The following CSMD1 variants were observed in gnomAD, a reference collection of about 807,000 sequenced individuals.
The protein encoded by CSMD1 is CUB and sushi domain-containing protein 1.
CSMD1 carries 213 observed loss-of-function variants against 417.5 expected under a neutral mutation model. That is an observed-to-expected ratio of 0.51 (90% CI 0.46 to 0.57). The LOEUF (loss-of-function observed/expected upper bound fraction) is 0.57. CSMD1 is among the 20% of genes least tolerant of loss of function. The pLI is 0.00. For missense variants in CSMD1, 6,923 were observed against 4,529.7 expected, an observed-to-expected ratio of 1.53 and a Z score of -15.17; for synonymous variants, 2,862 against 1,736.8, an observed-to-expected ratio of 1.65 and a Z score of -16.11.
chr8:3,713,854 A>G (rs1801667535), intron 6 of CSMD1, among the ~76,000 whole-genome samples: 1 of 152,190 alleles, frequency 6.6e-6, no homozygotes, highest in South Asian at 2.1e-4. Flanking sequence ...GAAAAATATA[A>G]ATCTTGTGTC....
chr8:4,126,458 T>G (rs2130960977), intron 3 of CSMD1, among the ~76,000 whole-genome samples: 1 of 152,208 alleles, frequency 6.6e-6, no homozygotes, highest in Non-Finnish European at 1.5e-5. Flanking sequence ...TAACATAGAT[T>G]TCACTTGCTT....
intron 7 of CSMD1, among the ~76,000 whole-genome samples, chr8:3,652,945 C>A (rs778401650): frequency 6.6e-6 from 1 of 152,008 alleles, no homozygotes; most frequent in Non-Finnish European, 1.5e-5. Context: ...GACTGAAAGC[C>A]CCTTATTTTC....
At chr8:3,330,383 G>C (rs1338090314) in intron 23 of CSMD1, among the ~76,000 whole-genome samples, 1 of 152,074 alleles carries the variant, frequency 6.6e-6, no homozygotes, top group Non-Finnish European at 1.5e-5. Flanking sequence ...AAGAAAGTAT[G>C]GTACATATAC....
At chr8:4,654,082 T>C (rs13265173) in intron 1 of CSMD1, among the ~76,000 whole-genome samples, 44,208 of 152,064 alleles carry the variant, frequency 0.29, 6,818 homozygotes, top group Middle Eastern at 0.44. Context: ...CCTCAGCAAC[T>C]TTTTTCTTTC....
intron 54 of CSMD1, among the ~76,000 whole-genome samples, chr8:2,982,063 T>C (rs1243210511): frequency 6.6e-6 from 1 of 152,086 alleles, no homozygotes; most frequent in Non-Finnish European, 1.5e-5. Flanking sequence ...GACATACGAA[T>C]ATGGGTAACA....
At chr8:4,023,413 T>A (rs1030843776) in intron 4 of CSMD1, among the ~76,000 whole-genome samples, 2 of 152,108 alleles carry the variant, frequency 1.3e-5, no homozygotes, top group African/African-American at 4.8e-5. Context: ...CCAATTTCAT[T>A]ATGAATAATT....
intron 38 of CSMD1, among the ~76,000 whole-genome samples, chr8:3,160,349 C>T (rs1819805129): frequency 6.6e-6 from 1 of 152,126 alleles, no homozygotes; most frequent in Non-Finnish European, 1.5e-5. Flanking sequence ...TCTCAAACTC[C>T]TCGATTCAAG....
At chr8:3,930,106 G>A (rs1563222480) in intron 5 of CSMD1, among the ~76,000 whole-genome samples, 1 of 150,098 alleles carries the variant, frequency 6.7e-6, no homozygotes. Context: ...TCTTTATTTG[G>A]TACTGGGAAA....
intron 28 of CSMD1, among the ~76,000 whole-genome samples, chr8:3,220,724 G>A (rs1470327392): frequency 4.6e-5 from 7 of 152,064 alleles, no homozygotes; most frequent in Admixed American, 3.9e-4. Context: ...CCAGCTGCTC[G>A]GGAGGCTGAG....
chr8:4,150,873 T>A (rs1318879857), intron 3 of CSMD1, among the ~76,000 whole-genome samples: 2 of 85,806 alleles, frequency 2.3e-5, no homozygotes, highest in Admixed American at 1.4e-4. Flanking sequence ...TAAAAAAATG[T>A]CCTGCTGAGA....
chr8:2,962,431 C>G, intron 61 of CSMD1, 35 bp downstream of exon 61: 2 of 1,575,130 alleles, frequency 1.3e-6, no homozygotes, highest in Non-Finnish European at 1.7e-6. Context: ...TCCAAATACT[C>G]CCAGGTATCC....
At chr8:3,689,631 T>G (rs1355600789) in intron 7 of CSMD1, among the ~76,000 whole-genome samples, 1 of 152,186 alleles carries the variant, frequency 6.6e-6, no homozygotes, top group Non-Finnish European at 1.5e-5. Flanking sequence ...GTGTGCTTAC[T>G]ATGTGGCAGG....
chr8:3,342,159 C>T (rs1426144204), intron 23 of CSMD1, among the ~76,000 whole-genome samples: 1 of 152,162 alleles, frequency 6.6e-6, no homozygotes, highest in Non-Finnish European at 1.5e-5. Context: ...AAACTGGTTT[C>T]CTCATGATTT....
In CSMD1 at chr8:3,396,207, G is replaced by A. The variant is rs183456945; in HGVS notation, c.2580C>T (p.Leu860=). The A allele has an allele frequency of 8.4e-4, 1,305 of 1,561,850 alleles. 21 individuals carry two copies. The Admixed American group carries it at 0.023, about 28-fold the overall frequency. ...TDNSRSSIGF[L]IHYESVTLES... ...GGTGCAACTCACTCTCATAGTGGATGAGGAAGCCGATGCTGGAGCGGCTGT... is the reference window on the plus strand; with the variant it reads ...GGTGCAACTCACTCTCATAGTGGATAAGGAAGCCGATGCTGGAGCGGCTGT... Residue 860 remains leucine, a synonymous_variant, in exon 17 of 70, where the codon CTC becomes CTT. Transcript: ENST00000635120.
At chr8:3,644,218 A>G (rs1797459545) in intron 7 of CSMD1, among the ~76,000 whole-genome samples, 1 of 152,222 alleles carries the variant, frequency 6.6e-6, no homozygotes, top group South Asian at 2.1e-4. Context: ...ATCTATTTCA[A>G]TAAACTCCCC....
chr8:4,039,399 T>C (rs1258181435), intron 3 of CSMD1, among the ~76,000 whole-genome samples: 3 of 152,174 alleles, frequency 2.0e-5, no homozygotes, highest in Non-Finnish European at 4.4e-5. Context: ...ATTAGAAAAA[T>C]CTGGTTATAT....
rs559268121 is a variant in CSMD1, at chr8:4,824,598, G to A, written c.85+169734C>T. The stretch of plus-strand genomic sequence containing the variant: ...ACAAGACAGTCTTTCAATTTCAAAG[G>A]AATTAGTTGATGAGGTCTGTGTATG... On this transcript the variant is annotated intron_variant, in intron 1 of 69. Coordinates refer to ENST00000635120, the MANE Select transcript of CSMD1 (RefSeq NM_033225.6). 8.5e-5 allele frequency among the ~76,000 whole-genome samples: 13 copies of A among 152,204 alleles called. No homozygotes were observed. In the South Asian group the frequency reaches 2.5e-3, roughly 29 times the overall value.
At chr8:4,717,065 A>G (rs961073352) in intron 1 of CSMD1, among the ~76,000 whole-genome samples, 6 of 152,062 alleles carry the variant, frequency 3.9e-5, no homozygotes, top group Non-Finnish European at 8.8e-5. Flanking sequence ...AATAGGAAAA[A>G]TAAGTCCTAC....
intron 5 of CSMD1, among the ~76,000 whole-genome samples, chr8:3,922,210 T>G (rs1431763951): frequency 1.3e-5 from 2 of 152,144 alleles, no homozygotes; most frequent in Non-Finnish European, 2.9e-5. Context: ...CTCTTCTTTT[T>G]AACCACTTGC....
Sources: gnomAD v4.1 joint callset for allele counts (sites outside exome capture counted in the v4.1 genomes callset) on GRCh38, gnomAD v4.1.1 for gene constraint, MANE v1.5 for transcripts, NCBI Gene and HGNC (gene_info 2026-07-23, HGNC 2026-07-21) for gene names.